SCGN: variants seen among roughly 807,000 people sequenced by gnomAD.
SCGN encodes secretagogin, EF-hand calcium binding protein.
Under a neutral mutation model 39.7 loss-of-function variants are expected in SCGN, and 30 were observed. The ratio of observed to expected loss-of-function variants is 0.76; its 90% CI spans 0.57 to 1.03. SCGN has a LOEUF of 1.03. Ranked by LOEUF, SCGN falls within the 50% of genes least tolerant of loss-of-function variation. The pLI is 0.00. For synonymous variants in SCGN, 106 were observed against 114.1 expected, an observed-to-expected ratio of 0.93 and a Z score of 0.45; for missense variants, 353 against 349.4, an observed-to-expected ratio of 1.01 and a Z score of -0.08.
Position 25,701,562 on chromosome 6 carries a change from T to A in SCGN, c.*227T>A, listed in dbSNP as rs1582593588. 1 of 402,748 alleles carries A rather than the reference T, an allele frequency of 2.5e-6. No homozygotes were observed. 24.9% of individuals were successfully genotyped at this position (402,748 alleles called of 1,614,324 possible). A position where few individuals can be genotyped will look rare whatever the true frequency, so the allele number is the denominator to read the frequency against. ...GTTGTTTTCCCTTGACCCTGGGCTTTCCTATCCTCCCAAAGACTCAGCTCC... is the reference window on the plus strand; with the variant it reads ...GTTGTTTTCCCTTGACCCTGGGCTTACCTATCCTCCCAAAGACTCAGCTCC... On this transcript the variant is annotated 3_prime_UTR_variant, in exon 11 of 11. Transcript: ENST00000377961.
In SCGN at chr6:25,701,308, G is replaced by T; in HGVS notation, c.804G>T (p.Leu268Phe). 6.2e-7 allele frequency: 1 copy of T among 1,613,094 alleles called. No homozygotes were observed. Among genetic ancestry groups the T allele is most frequent in the Non-Finnish European group, 8.5e-7 (1 of 1,179,644 alleles). ...DGKIQKSELA[L>F]CLGLKINP ...AAATTCAGAAGTCTGAGCTGGCTTT[G>T]TGTCTTGGGCTGAAAATCAACCCAT... Residue 268 changes from leucine (L) to phenylalanine (F), a missense_variant, in exon 11 of 11, where the codon TTG (leucine) becomes TTT (phenylalanine). Leu to Phe is a conservative substitution (Grantham distance 22). Coordinates refer to ENST00000377961, the MANE Select transcript of SCGN (RefSeq NM_006998.4).
chr6:25,658,786 T>C (rs552779926), intron 2 of SCGN, among the ~76,000 whole-genome samples: 1 of 138,272 alleles, frequency 7.2e-6, no homozygotes. Context: ...TTTATCATCA[T>C]TTGCAGCAAA....
intron 2 of SCGN, among the ~76,000 whole-genome samples, chr6:25,659,019 C>T (rs946837098): frequency 2.9e-4 from 44 of 152,208 alleles, no homozygotes; most frequent in Non-Finnish European, 8.8e-5. Context: ...TTCTACCTCA[C>T]TATTATAACC....
chr6:25,653,473 C>A, intron 2 of SCGN, 21 bp downstream of exon 2: 1 of 1,583,210 alleles, frequency 6.3e-7, no homozygotes, highest in Non-Finnish European at 8.7e-7. Flanking sequence ...GCACACTAAG[C>A]CTTAATTTAT....
intron 3 of SCGN, among the ~76,000 whole-genome samples, chr6:25,663,261 T>A (rs1760370664): frequency 6.6e-6 from 1 of 152,142 alleles, no homozygotes; most frequent in South Asian, 2.1e-4. Flanking sequence ...CCACTTTGAC[T>A]CATGTTGGAT....
intron 6 of SCGN, among the ~76,000 whole-genome samples, chr6:25,680,224 A>G (rs933735641): frequency 1.3e-5 from 2 of 150,858 alleles, no homozygotes; most frequent in South Asian, 4.1e-4. Context: ...AAAGAAGCAT[A>G]ATGTCTTAAT....
chr6:25,661,775 T>C (rs1468745600), intron 3 of SCGN, 131 bp downstream of exon 3: 8 of 608,770 alleles, frequency 1.3e-5, no homozygotes, highest in Non-Finnish European at 1.1e-5. Flanking sequence ...AATTAGAGAT[T>C]TCTGAAAGGC....
intron 4 of SCGN, among the ~76,000 whole-genome samples, chr6:25,667,384 T>C (rs1253057252): frequency 6.6e-6 from 1 of 152,336 alleles, no homozygotes; most frequent in East Asian, 1.9e-4. Context: ...TTGAATTTGT[T>C]TTTTAAAATT....
At chr6:25,668,874 G>A (rs1413690531) in intron 4 of SCGN, among the ~76,000 whole-genome samples, 3 of 152,158 alleles carry the variant, frequency 2.0e-5, no homozygotes, top group African/African-American at 2.4e-5. Flanking sequence ...CACTTTGGGA[G>A]GCCGAGGCGG....
In SCGN at chr6:25,652,239, C is replaced by T. The variant is rs1582567000; in HGVS notation, c.-165C>T. On this transcript the variant is annotated 5_prime_UTR_variant, in exon 1 of 11. Coordinates refer to ENST00000377961, the MANE Select transcript of SCGN (RefSeq NM_006998.4). Reference sequence around the variant, plus strand: ...TGCTGAGGGCTGAGGGACGGCTCAGCGACGCCACGGCCAGCAGCGCTCGCG... The same window carrying T: ...TGCTGAGGGCTGAGGGACGGCTCAGTGACGCCACGGCCAGCAGCGCTCGCG... The T allele has an allele frequency of 3.3e-6, 2 of 610,930 alleles. No individual in the cohort carries two copies. The highest frequency in any genetic ancestry group is 5.7e-5 in the East Asian group (2 of 34,802). 37.8% of individuals were successfully genotyped at this position (610,930 alleles called of 1,614,324 possible).
intron 2 of SCGN, among the ~76,000 whole-genome samples, chr6:25,657,134 C>T: frequency 6.6e-6 from 1 of 152,220 alleles, no homozygotes; most frequent in African/African-American, 2.4e-5. Flanking sequence ...TTAATCCCAC[C>T]ACGATTAGTG....
chr6:25,663,390 G>A (rs145452964), intron 3 of SCGN, among the ~76,000 whole-genome samples: 2 of 152,298 alleles, frequency 1.3e-5, no homozygotes, highest in Non-Finnish European at 2.9e-5. Context: ...GGTGGAATAT[G>A]AAACCTTAGG....
chr6:25,687,567 A>G lies in SCGN; in HGVS notation c.528-1605A>G, dbSNP rs552999601. ...CATGCTGGATTTGTGTATTAGCTCT[A>G]GTAGTTTTTTGTTGGATTCCTTAGG... On this transcript the variant is annotated intron_variant, in intron 7 of 10. Transcript: ENST00000377961. Among the ~76,000 whole-genome samples, 5 of 152,218 alleles carry G rather than the reference A, an allele frequency of 3.3e-5. No homozygotes were observed. The South Asian group carries it at 8.3e-4, about 25-fold the overall frequency.
intron 2 of SCGN, among the ~76,000 whole-genome samples, chr6:25,655,658 G>GAATT (rs200724646): frequency 0.014 from 2,003 of 143,638 alleles, 26 homozygotes; most frequent in African/African-American, 0.038. Flanking sequence ...GTATGCCTGA[G>GAATT]AATTATATTT....
chr6:25,664,290 C>T (rs1264225215), intron 3 of SCGN, among the ~76,000 whole-genome samples: 2 of 152,200 alleles, frequency 1.3e-5, no homozygotes, highest in Non-Finnish European at 2.9e-5. Flanking sequence ...AGCAGTCATT[C>T]CTGCTTTTGC....
chr6:25,675,105 C>A (rs541833459), intron 6 of SCGN, among the ~76,000 whole-genome samples: 2 of 152,300 alleles, frequency 1.3e-5, no homozygotes, highest in East Asian at 3.9e-4. Flanking sequence ...CAGGCACAGT[C>A]CAGACCCAGG....
intron 6 of SCGN, chr6:25,679,037 G>A (rs1012551455): frequency 6.6e-6 from 1 of 152,064 alleles, no homozygotes; most frequent in Admixed American, 6.6e-5. Context: ...AGAACACCCA[G>A]GCTTCCCTGA....
chr6:25,675,431 G>C (rs1456640609), intron 6 of SCGN, among the ~76,000 whole-genome samples: 1 of 152,200 alleles, frequency 6.6e-6, no homozygotes, highest in African/African-American at 2.4e-5. Context: ...AGTTTGTTCT[G>C]CCTCTGTATC....
chr6:25,682,020 A>T lies in SCGN; in HGVS notation c.527+14A>T. ...TGACTTAGCAAGGTGAGTTACATGG[A>T]AATGATATCATACATTCAGAAATAC... On this transcript the variant is annotated intron_variant, in intron 7 of 10. Transcript: ENST00000377961. 1 of 1,593,092 alleles carries T rather than the reference A, an allele frequency of 6.3e-7. No homozygotes were observed. The highest frequency in any genetic ancestry group is 8.6e-7 in the Non-Finnish European group (1 of 1,160,838).
Sources: allele counts gnomAD v4.1 joint callset (sites outside exome capture counted in the v4.1 genomes callset), GRCh38; gene constraint gnomAD v4.1.1; transcripts MANE v1.5; gene names NCBI Gene and HGNC (gene_info 2026-07-23, HGNC 2026-07-21).